The following AFF3 variants were observed in gnomAD, a reference collection of about 807,000 sequenced individuals.
AFF3 encodes ALF transcription elongation factor 3.
AFF3 carries 32 observed loss-of-function variants against 129.7 expected under a neutral mutation model. The observed-to-expected ratio is 0.25, with a 90% CI of 0.19 to 0.33. AFF3 has a LOEUF of 0.33. AFF3 is among the 10% of genes least tolerant of loss of function. The pLI is 1.00. For synonymous variants in AFF3, 644 were observed against 635.4 expected (o/e 1.01, Z -0.20); for missense variants, 1,373 against 1,592.0 (o/e 0.86, Z 2.34).
chr2:99,619,043 G>C (rs543927785), intron 13 of AFF3, among the ~76,000 whole-genome samples: 7 of 152,132 alleles, frequency 4.6e-5, no homozygotes, highest in African/African-American at 1.7e-4. Context: ...TACCATGCCC[G>C]GCCCAGACAG....
At chr2:99,599,999 G>C (rs1385832904) in intron 14 of AFF3, among the ~76,000 whole-genome samples, 1 of 152,188 alleles carries the variant, frequency 6.6e-6, no homozygotes, top group African/African-American at 2.4e-5. Context: ...AATTCTGAAT[G>C]AGTAAATGAA....
chr2:99,684,965 G>C (rs1674908912), intron 11 of AFF3, among the ~76,000 whole-genome samples: 1 of 145,670 alleles, frequency 6.9e-6, no homozygotes, highest in Admixed American at 6.8e-5. Context: ...TGGAGACTGA[G>C]TCTTGCTTTA....
At chr2:99,952,039 C>G (rs1353260849) in intron 7 of AFF3, among the ~76,000 whole-genome samples, 1 of 152,172 alleles carries the variant, frequency 6.6e-6, no homozygotes, top group African/African-American at 2.4e-5. Flanking sequence ...TGGTTACTCT[C>G]CCTTTATTTC....
At chr2:99,600,733 C>T (rs1364768347) in intron 14 of AFF3, among the ~76,000 whole-genome samples, 1 of 152,146 alleles carries the variant, frequency 6.6e-6, no homozygotes, top group Non-Finnish European at 1.5e-5. Flanking sequence ...CAGCCCTCTC[C>T]CAAGAATCTT....
At chr2:99,568,076 T>C (rs2053912) in intron 19 of AFF3, among the ~76,000 whole-genome samples, 22,051 of 152,130 alleles carry the variant, frequency 0.14, 3,607 homozygotes, top group African/African-American at 0.4. Flanking sequence ...ACTGGTAGCA[T>C]TGGAAGAGGG....
At chr2:99,889,689 C>T (rs1466268346) in intron 7 of AFF3, among the ~76,000 whole-genome samples, 1 of 152,206 alleles carries the variant, frequency 6.6e-6, no homozygotes, top group Admixed American at 6.5e-5. Context: ...GACAGAGTCT[C>T]ACTCTGTTGC....
At chr2:99,674,268 A>G (rs1687422386) in intron 11 of AFF3, among the ~76,000 whole-genome samples, 1 of 152,156 alleles carries the variant, frequency 6.6e-6, no homozygotes, top group African/African-American at 2.4e-5. Context: ...CACCTCACAG[A>G]CACATACGCT....
chr2:99,900,401 T>C lies in AFF3; in HGVS notation c.874-62877A>G, dbSNP rs1235957817. ...AGCTTTAAAACATTTCCAATCCAAATATGTAGCTCTAAGACTCGGGCCCAC... is the reference window on the plus strand; with the variant it reads ...AGCTTTAAAACATTTCCAATCCAAACATGTAGCTCTAAGACTCGGGCCCAC... On this transcript the variant is annotated intron_variant, in intron 7 of 24. Transcript: ENST00000672756. Among the ~76,000 whole-genome samples, 3 of 152,090 alleles carry C rather than the reference T, an allele frequency of 2.0e-5. No homozygotes were observed. The East Asian group carries it at 5.8e-4, about 29-fold the overall frequency.
chr2:99,985,926 C>T (rs1322266908), intron 7 of AFF3, among the ~76,000 whole-genome samples: 1 of 151,980 alleles, frequency 6.6e-6, no homozygotes, highest in Non-Finnish European at 1.5e-5. Context: ...GTGGGCCAGG[C>T]GCAGTGGCTC....
At chr2:100,105,238 C>T (rs1444779764) in intron 3 of AFF3, 2 of 1,041,714 alleles carry the variant, frequency 1.9e-6, no homozygotes, top group Non-Finnish European at 1.2e-6. Context: ...TGGGCGCTCC[C>T]GCGGGCGGCG....
intron 4 of AFF3, among the ~76,000 whole-genome samples, chr2:100,093,822 C>T (rs1199742321): frequency 2.6e-5 from 4 of 152,184 alleles, no homozygotes; most frequent in African/African-American, 7.2e-5. Flanking sequence ...TCAGGCAGAA[C>T]GGACTTTATC....
intron 4 of AFF3, among the ~76,000 whole-genome samples, chr2:100,060,812 T>C (rs559476074): frequency 6.6e-6 from 1 of 152,148 alleles, no homozygotes; most frequent in Non-Finnish European, 1.5e-5. Context: ...CGCTACACTT[T>C]CTTTGGATTT....
At chr2:100,005,193 A>C (rs147776832) in intron 7 of AFF3, among the ~76,000 whole-genome samples, 1 of 152,340 alleles carries the variant, frequency 6.6e-6, no homozygotes, top group East Asian at 1.9e-4. Flanking sequence ...AGCCTCATAA[A>C]AACTGCACAG....
At chr2:100,086,586 T>C (rs1456618168) in intron 4 of AFF3, among the ~76,000 whole-genome samples, 2 of 152,180 alleles carry the variant, frequency 1.3e-5, no homozygotes, top group Non-Finnish European at 2.9e-5. Context: ...GAGAAGAACG[T>C]ATCATGGATC....
chr2:99,865,467 C>T (rs568711718), intron 7 of AFF3, among the ~76,000 whole-genome samples: 2 of 152,174 alleles, frequency 1.3e-5, no homozygotes, highest in Non-Finnish European at 2.9e-5. Context: ...ACGTGTTTGA[C>T]GACAGAATCA....
intron 7 of AFF3, among the ~76,000 whole-genome samples, chr2:99,906,371 C>A (rs996526388): frequency 2.0e-5 from 3 of 152,118 alleles, no homozygotes; most frequent in Admixed American, 2.0e-4. Context: ...TCTCAACTAC[C>A]AAGTGGGTGC....
chr2:99,995,048 C>T (rs188221279), intron 7 of AFF3, among the ~76,000 whole-genome samples: 261 of 152,224 alleles, frequency 1.7e-3, no homozygotes, highest in African/African-American at 6.0e-3. Flanking sequence ...GGTAATTTAA[C>T]ACATGTGGAC....
chr2:99,897,001 C>T (rs1056674538), intron 7 of AFF3, among the ~76,000 whole-genome samples: 1 of 152,104 alleles, frequency 6.6e-6, no homozygotes, highest in Non-Finnish European at 1.5e-5. Context: ...TTTGCAAGTA[C>T]ACCCCGTGAA....
chr2:99,754,866 C>T (rs1681959435), intron 8 of AFF3, among the ~76,000 whole-genome samples: 1 of 152,232 alleles, frequency 6.6e-6, no homozygotes, highest in Non-Finnish European at 1.5e-5. Flanking sequence ...GGCACTGTAA[C>T]TGTGTCTTAT....
Sources: gnomAD v4.1 joint callset for allele counts (sites outside exome capture counted in the v4.1 genomes callset) on GRCh38, gnomAD v4.1.1 for gene constraint, MANE v1.5 for transcripts, NCBI Gene and HGNC (gene_info 2026-07-23, HGNC 2026-07-21) for gene names.